The following FNDC1 variants were observed in gnomAD, a reference collection of about 807,000 sequenced individuals.
The protein encoded by FNDC1 is fibronectin type III domain containing 1.
A neutral mutation model predicts 168.0 loss-of-function variants in FNDC1; 96 were observed. That is an observed-to-expected ratio of 0.57 (90% CI 0.48 to 0.68). The LOEUF is 0.68. Among genes scored for constraint, FNDC1 ranks in the 30% least tolerant of loss-of-function variants. The pLI is 0.00. For missense variants in FNDC1, 2,587 were observed against 2,482.1 expected (o/e 1.04, Z -0.90); for synonymous variants, 1,099 against 1,025.9 (o/e 1.07, Z -1.36).
At chr6:159,250,752 G>C (rs764465799) in intron 16 of FNDC1, among the ~76,000 whole-genome samples, 2 of 152,224 alleles carry the variant, frequency 1.3e-5, no homozygotes, top group Non-Finnish European at 2.9e-5. Context: ...ATACTGAGTA[G>C]TAATGTTGTA....
intron 14 of FNDC1, among the ~76,000 whole-genome samples, chr6:159,242,469 C>T (rs1383471673): frequency 1.3e-5 from 2 of 152,114 alleles, no homozygotes; most frequent in East Asian, 3.8e-4. Flanking sequence ...GCACATCCTG[C>T]ACCTGTACCC....
intron 7 of FNDC1, among the ~76,000 whole-genome samples, 145 bp from the exon 8 acceptor site, chr6:159,225,379 GAGCCAATAACA>G (rs1782930558): frequency 1.3e-5 from 2 of 152,084 alleles, no homozygotes; most frequent in African/African-American, 4.8e-5. Context: ...TTGGAACTTT[GAGCCAATAACA>G]TAGTCAAAAG....
intron 1 of FNDC1, among the ~76,000 whole-genome samples, chr6:159,191,481 T>A (rs1782138093): frequency 6.6e-6 from 1 of 152,260 alleles, no homozygotes; most frequent in Non-Finnish European, 1.5e-5. Flanking sequence ...AACTGTTCCA[T>A]AACTCATTAA....
At chr6:159,209,325 G>A (rs1276198559) in intron 4 of FNDC1, among the ~76,000 whole-genome samples, 3 of 152,204 alleles carry the variant, frequency 2.0e-5, no homozygotes, top group African/African-American at 7.2e-5. Flanking sequence ...AGAAACCTTA[G>A]TTAAGTGACA....
At chr6:159,203,424 G>T (rs1562635735) in intron 4 of FNDC1, among the ~76,000 whole-genome samples, 1 of 152,186 alleles carries the variant, frequency 6.6e-6, no homozygotes, top group Non-Finnish European at 1.5e-5. Context: ...CCATGCCAGA[G>T]AGTCCTGGAG....
intron 6 of FNDC1, among the ~76,000 whole-genome samples, chr6:159,222,481 C>T (rs981333731): frequency 1.3e-5 from 2 of 152,076 alleles, no homozygotes; most frequent in African/African-American, 2.4e-5. Context: ...TTTTGAAACA[C>T]GGTCCCTGAA....
rs1783177522 is a variant in FNDC1, at chr6:159,233,935, C to A, written c.3423C>A (p.Pro1141=). 2 of 1,557,012 alleles carry A rather than the reference C, an allele frequency of 1.3e-6. No homozygotes were observed. The highest frequency in any genetic ancestry group is 4.8e-5 in the East Asian group (2 of 41,982). The change falls in exon 11 of 23, where the codon CCC becomes CCA. Residue 1141 remains proline, a synonymous_variant. Coordinates refer to ENST00000297267, the MANE Select transcript of FNDC1 (RefSeq NM_032532.3). The surrounding 1 kb of genome is among the most constrained non-coding windows in gnomAD (Gnocchi z 4.6). ...CCTCCCCCGCCAGGCCCAGCCGACCCGGCGGCCCCCAGTCCCGCGCCCGGG... is the reference window on the plus strand; with the variant it reads ...CCTCCCCCGCCAGGCCCAGCCGACCAGGCGGCCCCCAGTCCCGCGCCCGGG... ...HAASPARPSR[P]GGPQSRARVP...
rs373250258 is a variant in FNDC1 at position 159,234,204 on chromosome 6, C to T, written c.3692C>T (p.Ala1231Val). ...GAGAGGGAGCCTGCCATCGCGCTTG[C>T]CCCTCGCGGAGGGAGCCTGGCTCCT... ...KEEREPAIAL[A>V]PRGGSLAPVK... Residue 1231 changes from alanine to valine, a missense_variant, in exon 11 of 23, where the codon GCC (alanine) becomes GTC (valine). Transcript: ENST00000297267. 82 of 1,597,128 alleles carry T rather than the reference C, an allele frequency of 5.1e-5. No individual in the cohort carries two copies. The African/African-American group carries it at 9.8e-4, about 19-fold the overall frequency.
At chr6:159,225,191 ACACG>A (rs199761352) in intron 7 of FNDC1, among the ~76,000 whole-genome samples, 1 of 110,876 alleles carries the variant, frequency 9.0e-6, no homozygotes, top group Non-Finnish European at 1.9e-5. Context: ...ACACACACAC[ACACG>A]CACAGTCACA....
At chr6:159,183,596 G>T (rs1429374429) in intron 1 of FNDC1, among the ~76,000 whole-genome samples, 4 of 152,188 alleles carry the variant, frequency 2.6e-5, no homozygotes, top group Non-Finnish European at 5.9e-5. Context: ...GTAGAGAAGA[G>T]GGAAAGCCAG....
chr6:159,217,701 G>A (rs1439040756), intron 5 of FNDC1, among the ~76,000 whole-genome samples: 1 of 152,140 alleles, frequency 6.6e-6, no homozygotes, highest in Non-Finnish European at 1.5e-5. Flanking sequence ...ACATGGTGGC[G>A]TAGGCAGCCG....
intron 15 of FNDC1, among the ~76,000 whole-genome samples, chr6:159,247,559 G>C (rs1189126878): frequency 6.6e-6 from 1 of 151,954 alleles, no homozygotes; most frequent in African/African-American, 2.4e-5. Flanking sequence ...AAGCAGCCTG[G>C]ACAACATAAC....
At chr6:159,221,559 T>C (rs1440557657) in intron 5 of FNDC1, 39 bp from the exon 6 acceptor site, 1 of 1,515,324 alleles carries the variant, frequency 6.6e-7, no homozygotes, top group South Asian at 1.1e-5. Flanking sequence ...TCCTGAGAAA[T>C]GGAAGTCAGA....
chr6:159,250,042 A>G (rs1224240591), intron 16 of FNDC1, among the ~76,000 whole-genome samples: 2 of 152,228 alleles, frequency 1.3e-5, no homozygotes, highest in Non-Finnish European at 2.9e-5. Flanking sequence ...CGTTTACCAC[A>G]TGCGCTGACT....
Position 159,267,837 on chromosome 6 carries a change from G to A in FNDC1, c.5480G>A (p.Arg1827Lys). The A allele has an allele frequency of 1.9e-6, 3 of 1,613,782 alleles. No homozygotes were observed. Among genetic ancestry groups the A allele is most frequent in the Non-Finnish European group, 2.5e-6 (3 of 1,179,822 alleles). Residue 1827 changes from arginine to lysine, a missense_variant, in exon 22 of 23, where the codon AGA becomes AAA. By Grantham distance (26) the Arg-to-Lys change is conservative (BLOSUM62 2). Coordinates refer to ENST00000297267, the MANE Select transcript of FNDC1 (RefSeq NM_032532.3). The stretch of plus-strand genomic sequence containing the variant: ...TACAGCATTGGAGACAGCTGGGGAA[G>A]AGGTGAAGACCATTGCCAATTTGTG... The part of the protein sequence containing the change: ...TFYSIGDSWG[R>K]GEDHCQFVDS...
intron 8 of FNDC1, among the ~76,000 whole-genome samples, chr6:159,225,941 T>C (rs1191857267): frequency 2.0e-5 from 3 of 152,240 alleles, no homozygotes; most frequent in Non-Finnish European, 2.9e-5. Flanking sequence ...CCTTTTCCAC[T>C]AGCATGTTGT....
chr6:159,255,790 T>C (rs983207439), intron 17 of FNDC1, among the ~76,000 whole-genome samples: 2 of 152,206 alleles, frequency 1.3e-5, no homozygotes, highest in African/African-American at 4.8e-5. Context: ...TGTTTTCTCC[T>C]TCTGTGTACA....
At chr6:159,218,102 T>G (rs1384510039) in intron 5 of FNDC1, among the ~76,000 whole-genome samples, 1 of 152,232 alleles carries the variant, frequency 6.6e-6, no homozygotes, top group East Asian at 1.9e-4. Context: ...ACAGCTTGCT[T>G]TGTTCTGAGC....
chr6:159,194,174 T>C (rs1183081854), intron 1 of FNDC1, among the ~76,000 whole-genome samples: 1 of 152,114 alleles, frequency 6.6e-6, no homozygotes, highest in Non-Finnish European at 1.5e-5. Flanking sequence ...TTAACCCAAT[T>C]CCCTTAGGCT....
Sources: gnomAD v4.1 joint callset for allele counts (sites outside exome capture counted in the v4.1 genomes callset) on GRCh38, gnomAD v4.1.1 for gene constraint, Gnocchi (gnomAD v3.1) non-coding constraint, MANE v1.5 for transcripts, NCBI Gene and HGNC (gene_info 2026-07-23, HGNC 2026-07-21) for gene names.